The following ABR variants were observed in gnomAD, a reference collection of about 807,000 sequenced individuals.
ABR encodes active breakpoint cluster region-related protein.
Under a neutral mutation model 107.2 loss-of-function variants are expected in ABR, and 35 were observed. The observed-to-expected ratio is 0.33, with a 90% confidence interval of 0.25 to 0.43. The LOEUF (loss-of-function observed/expected upper bound fraction) is 0.43, where lower values mean the gene tolerates loss of function less well. ABR is among the 20% of genes least tolerant of loss of function. The pLI is 1.00. For missense variants in ABR, 815 were observed against 1,115.2 expected (o/e 0.73, Z 3.83); for synonymous variants, 498 against 462.0 (o/e 1.08, Z -1.00).
At chr17:1,199,925 CT>C (rs11442804) in intron 1 of ABR, among the ~76,000 whole-genome samples, 4,862 of 147,082 alleles carry the variant, frequency 0.033, 224 homozygotes, top group African/African-American at 0.1. Context: ...GCTCTTTTTT[CT>C]TTTTTTTTTT....
rs533400495 is a variant in ABR, at chr17:1,133,597, C to T, written c.62-8230G>A. 3.3e-5 allele frequency among the ~76,000 whole-genome samples: 5 copies of T among 152,174 alleles called. No individual in the cohort carries two copies. The South Asian group carries it at 8.3e-4, about 25-fold the overall frequency. On this transcript the variant is annotated intron_variant, in intron 1 of 22. Coordinates refer to ENST00000302538, the MANE Select transcript of ABR (RefSeq NM_021962.5). ...AATGTCTGAAAAAAGTAAAAACATA[C>T]GTGCATAGAAAAAAGACTGGAAGGC...
At chr17:1,045,734 T>C (rs2031489231) in intron 16 of ABR, among the ~76,000 whole-genome samples, 1 of 152,240 alleles carries the variant, frequency 6.6e-6, no homozygotes, top group Admixed American at 6.5e-5. Flanking sequence ...GTGGCTGACA[T>C]CTAGCATTCT....
chr17:1,148,330 G>C lies in ABR; in HGVS notation c.62-22963C>G, dbSNP rs1478372975. ...GGCATTAGGCTACGTGAAAGAAGCT[G>C]GTCACAGAAAGGCAAATACCACATG... On this transcript the variant is annotated intron_variant, in intron 1 of 22. Transcript: ENST00000302538. This position sits in a 1 kb window ranked among gnomAD's most constrained non-coding sequence, Gnocchi z 4.9. Among the ~76,000 whole-genome samples, 1 of 152,186 alleles carries C rather than the reference G, an allele frequency of 6.6e-6. No homozygotes were observed. The highest frequency in any genetic ancestry group is 2.4e-5 in the African/African-American group (1 of 41,444).
chr17:1,134,921 C>G (rs62069391), intron 1 of ABR, among the ~76,000 whole-genome samples: 5,573 of 152,352 alleles, frequency 0.037, 122 homozygotes, highest in South Asian at 0.064. Context: ...GGGGACGACA[C>G]AGGATCAAGT....
At chr17:1,085,458 A>G (rs540864803) in intron 4 of ABR, among the ~76,000 whole-genome samples, 1 of 152,328 alleles carries the variant, frequency 6.6e-6, no homozygotes, top group South Asian at 2.1e-4. Context: ...AAATTAGTAC[A>G]ATTATTTGGA....
At chr17:1,055,129 G>C (rs149589595) in intron 14 of ABR, among the ~76,000 whole-genome samples, 10,064 of 152,214 alleles carry the variant, frequency 0.066, 443 homozygotes, top group Non-Finnish European at 0.099. Flanking sequence ...TCAGCACTTT[G>C]GGAGGCTGAG....
chr17:1,066,378 G>A (rs986434396), intron 10 of ABR, among the ~76,000 whole-genome samples: 1 of 152,178 alleles, frequency 6.6e-6, no homozygotes, highest in Non-Finnish European at 1.5e-5. Flanking sequence ...AGTCAAGCAT[G>A]TTAATTGTGG....
rs376303095 is a variant in ABR, at chr17:1,067,247, A to T, written c.1017-5T>A. On this transcript the variant is annotated splice_polypyrimidine_tract_variant and splice_region_variant and intron_variant, in intron 9 of 22. Coordinates refer to ENST00000302538, the MANE Select transcript of ABR (RefSeq NM_021962.5). Reference sequence around the variant, plus strand: ...CAGTCATACTGCTGGTGCTTCCTGCAAACGAGCCAGAGGGAGCCATGAGCC... The same window carrying T: ...CAGTCATACTGCTGGTGCTTCCTGCTAACGAGCCAGAGGGAGCCATGAGCC... The T allele has an allele frequency of 4.4e-6, 7 of 1,575,180 alleles. No individual in the cohort carries two copies. The highest frequency in any genetic ancestry group is 6.0e-6 in the Non-Finnish European group (7 of 1,162,386).
At chr17:1,086,557 C>G (rs1364737388) in intron 4 of ABR, among the ~76,000 whole-genome samples, 1 of 150,980 alleles carries the variant, frequency 6.6e-6, no homozygotes, top group African/African-American at 2.4e-5. Flanking sequence ...CCGGAGTGCA[C>G]TGGCACGATC....
chr17:1,005,735 A>C lies in ABR; in HGVS notation c.*345T>G, dbSNP rs988739792. ...TCAGGCGGAAAGAAAGTGCTGGAGG[A>C]AATGAAAGAACAAAGCGGGCTGTCT... On this transcript the variant is annotated 3_prime_UTR_variant, in exon 23 of 23. Coordinates refer to ENST00000302538, the MANE Select transcript of ABR (RefSeq NM_021962.5). 45 of 336,166 alleles carry C rather than the reference A, an allele frequency of 1.3e-4. No individual in the cohort carries two copies. The highest frequency in any genetic ancestry group is 1.2e-3 in the South Asian group (35 of 28,474). 20.8% of individuals were successfully genotyped at this position (336,166 alleles called of 1,614,324 possible).
intron 2 of ABR, among the ~76,000 whole-genome samples, chr17:1,110,367 C>T (rs1435312481): frequency 6.6e-6 from 1 of 151,840 alleles, no homozygotes; most frequent in East Asian, 2.0e-4. Context: ...GTGAGGCCTG[C>T]GGGTGAGGCC....
chr17:1,012,517 T>C (rs751177375), intron 18 of ABR, 171 bp downstream of exon 18: 3 of 703,110 alleles, frequency 4.3e-6, no homozygotes, highest in South Asian at 1.5e-5. Context: ...TGAAGTGTCC[T>C]GTGAGCGCCT....
rs373234821 is a variant in ABR, at chr17:1,197,799, C to T, written c.838+30994G>A. Among the ~76,000 whole-genome samples, 61 of 151,678 alleles carry T rather than the reference C, an allele frequency of 4.0e-4. 1 individual carries two copies. The highest frequency in any genetic ancestry group is 1.4e-3 in the Admixed American group (21 of 15,246). On this transcript the variant is annotated intron_variant, in intron 1 of 22. Transcript: ENST00000574139. Reference sequence around the variant, plus strand: ...GGGATCACACTGGAGGGAAGATCAGCGCTCACCCAAACCAGACCGTGACTT... The same window carrying T: ...GGGATCACACTGGAGGGAAGATCAGTGCTCACCCAAACCAGACCGTGACTT...
At chr17:1,162,618 T>C (rs1004475408) in intron 1 of ABR, among the ~76,000 whole-genome samples, 2 of 152,224 alleles carry the variant, frequency 1.3e-5, no homozygotes, top group African/African-American at 2.4e-5. Context: ...CTCCTCAGCC[T>C]GAGTGTGGCA....
At chr17:1,048,411 C>A (rs1418620622) in intron 16 of ABR, among the ~76,000 whole-genome samples, 1 of 149,594 alleles carries the variant, frequency 6.7e-6, no homozygotes, top group Non-Finnish European at 1.5e-5. Context: ...CAAGGACCTG[C>A]AGGTAAGAGC....
chr17:1,035,752 C>T (rs1332291499), intron 16 of ABR, among the ~76,000 whole-genome samples: 1 of 145,054 alleles, frequency 6.9e-6, no homozygotes, highest in Non-Finnish European at 1.5e-5. Context: ...TAAAAACATT[C>T]CTAGTGGACC....
In ABR at chr17:1,083,567, C is replaced by G. The variant is rs1293195949; in HGVS notation, c.592G>C (p.Ala198Pro). The G allele has an allele frequency of 6.2e-7, 1 of 1,613,206 alleles. No homozygotes were observed. The highest frequency in any genetic ancestry group is 1.3e-5 in the African/African-American group (1 of 74,960). The change falls in exon 5 of 23, where the codon GCT becomes CCT. Residue 198 changes from alanine (A) to proline (P), a missense_variant. Physicochemically the swap from Ala to Pro is conservative, Grantham distance 27. Coordinates refer to ENST00000302538, the MANE Select transcript of ABR (RefSeq NM_021962.5). Reference protein sequence around the residue: ...VDNYKVALETAEKCSQSNNQF... With the variant: ...VDNYKVALETPEKCSQSNNQF... ...TTGTTGGACTGGCTGCACTTCTCAGCTGTCTCCAGAGCGACTTTATAGTTA... is the reference window on the plus strand; with the variant it reads ...TTGTTGGACTGGCTGCACTTCTCAGGTGTCTCCAGAGCGACTTTATAGTTA...
intron 1 of ABR, among the ~76,000 whole-genome samples, chr17:1,162,198 C>T (rs1055936315): frequency 6.6e-6 from 1 of 152,230 alleles, no homozygotes; most frequent in African/African-American, 2.4e-5. Context: ...ACAATTATCC[C>T]TTACTCTGGC....
At chr17:1,080,003 C>A (rs1454653632) in intron 5 of ABR, among the ~76,000 whole-genome samples, 11 of 151,816 alleles carry the variant, frequency 7.2e-5, no homozygotes, top group Non-Finnish European at 4.4e-5. Flanking sequence ...ATTACAGGAA[C>A]CCCGACTCAG....
Sources: gnomAD v4.1 joint callset for allele counts (sites outside exome capture counted in the v4.1 genomes callset) on GRCh38, gnomAD v4.1.1 for gene constraint, Gnocchi (gnomAD v3.1) non-coding constraint, MANE v1.5 for transcripts, NCBI Gene and HGNC (gene_info 2026-07-23, HGNC 2026-07-21) for gene names.